The following RAPGEF6 variants were observed in gnomAD, a reference collection of about 807,000 sequenced individuals.
RAPGEF6 encodes Rap guanine nucleotide exchange factor 6.
A neutral mutation model predicts 171.4 loss-of-function variants in RAPGEF6; 56 were observed. The observed-to-expected ratio is 0.33, with a 90% CI of 0.26 to 0.41. The LOEUF is 0.41. Among genes scored for constraint, RAPGEF6 ranks in the 10% least tolerant of loss-of-function variants. The pLI, the probability that RAPGEF6 is intolerant of heterozygous loss-of-function variation, is 1.00. For missense variants in RAPGEF6, 1,674 were observed against 1,921.4 expected (o/e 0.87, Z 2.41); for synonymous variants, 692 against 650.1 (o/e 1.06, Z -0.98).
rs73786670 is a variant in RAPGEF6, at chr5:131,430,849, C to A, written c.4465+10G>T. ...CTCTAAATGCCACAGACAACAAAAA[C>A]ACAACTTACCAATCAAGCCCTTTTC... is the stretch of plus-strand genomic sequence containing the variant. On this transcript the variant is annotated intron_variant, in intron 26 of 27. Coordinates refer to ENST00000509018, the MANE Select transcript of RAPGEF6 (RefSeq NM_016340.6). 8,272 of 1,586,990 alleles carry A rather than the reference C, an allele frequency of 5.2e-3. 419 individuals carry two copies. The African/African-American group carries it at 0.1, about 19-fold the overall frequency.
chr5:131,456,431 C>A (rs1753507707), intron 19 of RAPGEF6, among the ~76,000 whole-genome samples: 1 of 152,152 alleles, frequency 6.6e-6, no homozygotes, highest in African/African-American at 2.4e-5. Flanking sequence ...GCTAATTCTG[C>A]ACCTTAGGAA....
chr5:131,445,493 C>CTCTCTGTGTGTGTGTGTG (rs1554070849), intron 22 of RAPGEF6, among the ~76,000 whole-genome samples: 1 of 147,224 alleles, frequency 6.8e-6, no homozygotes, highest in African/African-American at 2.5e-5. Flanking sequence ...AACTCACTCT[C>CTCTCTGTGTGTGTGTGTG]TGTGTGTGTG....
At chr5:131,534,142 A>G (rs1759595284) in intron 6 of RAPGEF6, among the ~76,000 whole-genome samples, 1 of 152,110 alleles carries the variant, frequency 6.6e-6, no homozygotes, top group Admixed American at 6.6e-5. Flanking sequence ...TATTTACCTA[A>G]CACTTTTATT....
intron 7 of RAPGEF6, among the ~76,000 whole-genome samples, chr5:131,512,940 T>G (rs542558796): frequency 1.1e-3 from 174 of 152,224 alleles, no homozygotes; most frequent in African/African-American, 4.1e-3. Flanking sequence ...GCCTCAAGAA[T>G]AGTGAGAAAT....
chr5:131,603,927 C>T (rs1236193769), intron 2 of RAPGEF6, among the ~76,000 whole-genome samples: 7 of 151,962 alleles, frequency 4.6e-5, no homozygotes, highest in South Asian at 2.1e-4. Context: ...ATAAGCTGTT[C>T]GTGGTGGGAA....
Position 131,425,879 on chromosome 5 carries a change from G to C in RAPGEF6, c.*1387C>G, listed in dbSNP as rs1213488434. 4 of 118,678 alleles carry C rather than the reference G, an allele frequency of 3.4e-5. No homozygotes were observed. 7.4% of individuals were successfully genotyped at this position (118,678 alleles called of 1,614,324 possible). ...TTGATCTGGGTAGTGCACGTTAATG[G>C]CTTTGGCTTTTTTTTTTTTTTTTTT... On this transcript the variant is annotated 3_prime_UTR_variant, in exon 28 of 28. Transcript: ENST00000509018.
In RAPGEF6 at chr5:131,479,509, C is replaced by T. The variant is rs780374875; in HGVS notation, c.2081+4G>A. 1.2e-6 allele frequency: 2 copies of T among 1,613,430 alleles called. No homozygotes were observed. Among genetic ancestry groups the T allele is most frequent in the South Asian group, 2.2e-5 (2 of 91,054 alleles). ...CCTGCATAGCTAAGATCGGCATTAC[C>T]TACCTAAATAGCTTTGGAGGCAAGA... is the stretch of plus-strand genomic sequence containing the variant. On this transcript the variant is annotated splice_donor_region_variant and intron_variant, in intron 16 of 27. Transcript: ENST00000509018.
chr5:131,461,888 T>C lies in RAPGEF6; in HGVS notation c.2681A>G (p.Lys894Arg). ...YIDDLFKLNSKTGNTHLKRFE... is the reference protein window; with the variant it reads ...YIDDLFKLNSRTGNTHLKRFE... Reference sequence around the variant, plus strand: ...CCTCTTCAAATGAGTATTTCCTGTTTTGGAATTTAACTTAAAAAGGTCATC... The same window carrying C: ...CCTCTTCAAATGAGTATTTCCTGTTCTGGAATTTAACTTAAAAAGGTCATC... The change falls in exon 19 of 28, where the codon AAA becomes AGA. Residue 894 changes from lysine to arginine, a missense_variant. Around this residue, in one of 3 missense-constraint regions of RAPGEF6, gnomAD observed 1,116 missense variants for 1,321.5 expected, o/e 0.84. Coordinates refer to ENST00000509018, the MANE Select transcript of RAPGEF6 (RefSeq NM_016340.6). The C allele has an allele frequency of 6.2e-7, 1 of 1,614,148 alleles. No homozygotes were observed. Among genetic ancestry groups the C allele is most frequent in the Non-Finnish European group, 8.5e-7 (1 of 1,179,992 alleles).
chr5:131,589,056 T>A (rs1763435545), intron 4 of RAPGEF6, among the ~76,000 whole-genome samples: 1 of 150,542 alleles, frequency 6.6e-6, no homozygotes, highest in Non-Finnish European at 1.5e-5. Context: ...GGTGACAGAG[T>A]GAGACTCTGT....
intron 17 of RAPGEF6, chr5:131,472,248 T>C: frequency 3.0e-6 from 1 of 331,222 alleles, no homozygotes. Context: ...ATTTTTTGTA[T>C]TTTTAGTAGA....
intron 15 of RAPGEF6, among the ~76,000 whole-genome samples, chr5:131,485,685 T>C (rs746321964): frequency 6.6e-6 from 1 of 152,228 alleles, no homozygotes; most frequent in Non-Finnish European, 1.5e-5. Flanking sequence ...CCTGTTGCTA[T>C]TTGCTTTTCA....
intron 9 of RAPGEF6, 49 bp downstream of exon 9, chr5:131,508,022 T>G (rs1757476576): frequency 1.4e-6 from 2 of 1,397,436 alleles, no homozygotes; most frequent in Non-Finnish European, 9.6e-7. Flanking sequence ...TAAGTTATTT[T>G]AAAAGTTAGT....
chr5:131,429,043 AG>A lies in RAPGEF6; in HGVS notation c.4638del (p.Ser1547LeufsTer21). On this transcript the variant is annotated frameshift_variant, in exon 27 of 28. Coordinates refer to ENST00000509018, the MANE Select transcript of RAPGEF6 (RefSeq NM_016340.6). LOFTEE classifies it high-confidence loss of function. ...VQRSKMMHNS[L>X]SRLPPASLSS... The stretch of plus-strand genomic sequence containing the variant: ...CTGAGAGAAGCTGGTGGCAGTCTAG[AG>A]AGGCTGTTATGCATCATCTTTGACC... 6.2e-7 allele frequency: 1 copy of A among 1,614,148 alleles called. No homozygotes were observed. The highest frequency in any genetic ancestry group is 8.5e-7 in the Non-Finnish European group (1 of 1,180,024).
At chr5:131,495,514 C>A in intron 13 of RAPGEF6, 39 bp downstream of exon 13, 1 of 1,523,070 alleles carries the variant, frequency 6.6e-7, no homozygotes, top group Non-Finnish European at 9.1e-7. Flanking sequence ...GAGGGGGGAC[C>A]ACTACACTCT....
At chr5:131,438,686 C>G (rs1445396998) in intron 24 of RAPGEF6, among the ~76,000 whole-genome samples, 2 of 152,136 alleles carry the variant, frequency 1.3e-5, no homozygotes, top group East Asian at 3.8e-4. Flanking sequence ...GCATCTGCTG[C>G]ACACTGCCCA....
At chr5:131,566,320 T>C (rs999045210) in intron 4 of RAPGEF6, among the ~76,000 whole-genome samples, 38 of 152,234 alleles carry the variant, frequency 2.5e-4, no homozygotes, top group Admixed American at 5.2e-4. Context: ...AAGCTTTTTC[T>C]GCATTTATTG....
At chr5:131,600,476 C>T (rs1039668753) in intron 3 of RAPGEF6, among the ~76,000 whole-genome samples, 2 of 150,070 alleles carry the variant, frequency 1.3e-5, no homozygotes, top group Non-Finnish European at 3.0e-5. Context: ...AAGCCGAGAT[C>T]GCGCCACTGC....
At chr5:131,437,706 T>G (rs1752103947) in intron 24 of RAPGEF6, among the ~76,000 whole-genome samples, 1 of 152,212 alleles carries the variant, frequency 6.6e-6, no homozygotes, top group Non-Finnish European at 1.5e-5. Flanking sequence ...TCCTGTTTCA[T>G]TTTTATTAAG....
At chr5:131,493,695 A>C (rs1242108998) in intron 13 of RAPGEF6, among the ~76,000 whole-genome samples, 1 of 151,980 alleles carries the variant, frequency 6.6e-6, no homozygotes, top group Non-Finnish European at 1.5e-5. Flanking sequence ...TTTAAAGCAG[A>C]CACCAAGTCT....
Sources: allele counts gnomAD v4.1 joint callset (sites outside exome capture counted in the v4.1 genomes callset), GRCh38; gene constraint gnomAD v4.1.1; regional missense constraint gnomAD v4.1.1; transcripts MANE v1.5; gene names NCBI Gene and HGNC (gene_info 2026-07-23, HGNC 2026-07-21).